Variants in CDH19 observed in about 807,000 individuals in gnomAD.
CDH19 encodes the protein cadherin 19.
In CDH19, 67 loss-of-function variants were observed where a neutral mutation model predicts 64.2. That is an observed-to-expected ratio of 1.04 (90% CI 0.86 to 1.28). The LOEUF is 1.28. CDH19 is among the 50% of genes most tolerant of loss of function. CDH19 has a pLI of 0.00. For missense variants in CDH19, 1,030 were observed against 929.0 expected, an observed-to-expected ratio of 1.11 and a Z score of -1.41; for synonymous variants, 346 against 319.3, an observed-to-expected ratio of 1.08 and a Z score of -0.89.
At chr18:66,530,955 A>C (rs1986420167) in intron 8 of CDH19, among the ~76,000 whole-genome samples, 1 of 152,046 alleles carries the variant, frequency 6.6e-6, no homozygotes, top group South Asian at 2.1e-4. Context: ...TGTAGTGGAG[A>C]CACGCCGCGT....
Position 66,529,964 on chromosome 18 carries a change from T to G in CDH19, c.1339A>C (p.Asn447His), listed in dbSNP as rs747751602. 1 of 1,472,352 alleles carries G rather than the reference T, an allele frequency of 6.8e-7. No individual in the cohort carries two copies. The highest frequency in any genetic ancestry group is 1.4e-5 in the African/African-American group (1 of 70,120). 91.2% of individuals were successfully genotyped at this position (1,472,352 alleles called of 1,614,324 possible). Reference sequence around the variant, plus strand: ...GGGATCGAAGAGATCTGTTCTATATTGTCTGCAATTTGAATATATATAATA... The same window carrying G: ...GGGATCGAAGAGATCTGTTCTATATGGTCTGCAATTTGAATATATATAATA... ...NLSITATEKY[N>H]IEQISSIPLY... Residue 447 changes from asparagine (N) to histidine (H), a missense_variant and splice_region_variant, in exon 9 of 12, where the codon AAT becomes CAT. Physicochemically the swap from Asn to His is moderately conservative, Grantham distance 68. Transcript: ENST00000262150.
At chr18:66,530,262 G>A (rs558636762) in intron 8 of CDH19, among the ~76,000 whole-genome samples, 15 of 152,030 alleles carry the variant, frequency 9.9e-5, no homozygotes, top group Admixed American at 6.5e-4. Flanking sequence ...AAGGGTATAC[G>A]GAGAGCTTGC....
chr18:66,568,524 C>A lies in CDH19; in HGVS notation c.382G>T (p.Val128Leu). ...QVIDIATGRA[V>L]EPESEFVIKV... The stretch of plus-strand genomic sequence containing the variant: ...ATGACAAACTCAGACTCAGGTTCCA[C>A]AGCCCTTCCAGTAGCGATGTCTATT... The change falls in exon 3 of 12, where the codon GTG becomes TTG. Residue 128 changes from valine to leucine, a missense_variant. Transcript: ENST00000262150. 6.2e-7 allele frequency: 1 copy of A among 1,612,376 alleles called. No individual in the cohort carries two copies.
At chr18:66,590,240 C>T (rs980353884) in intron 1 of CDH19, among the ~76,000 whole-genome samples, 2 of 151,806 alleles carry the variant, frequency 1.3e-5, no homozygotes, top group Non-Finnish European at 2.9e-5. Context: ...AATATCATCA[C>T]CATCATCATC....
At chr18:66,523,231 C>T (rs1249287646) in intron 9 of CDH19, among the ~76,000 whole-genome samples, 4 of 152,036 alleles carry the variant, frequency 2.6e-5, no homozygotes, top group African/African-American at 4.8e-5. Context: ...CAGCCTGGTT[C>T]CAACAGAGGG....
intron 1 of CDH19, among the ~76,000 whole-genome samples, chr18:66,602,544 T>C (rs1322982582): frequency 2.0e-5 from 3 of 151,906 alleles, no homozygotes; most frequent in African/African-American, 7.2e-5. Context: ...GTAGAAGACA[T>C]ATGCTTTTCG....
intron 4 of CDH19, among the ~76,000 whole-genome samples, chr18:66,554,011 G>T: frequency 1.1e-5 from 1 of 88,716 alleles, no homozygotes; most frequent in Admixed American, 1.1e-4. Context: ...TTTCATTGTG[G>T]TTTTAGTTTG....
intron 11 of CDH19, among the ~76,000 whole-genome samples, chr18:66,508,776 T>A (rs1488828837): frequency 6.6e-6 from 1 of 152,024 alleles, no homozygotes; most frequent in East Asian, 1.9e-4. Context: ...AATTCAAAGA[T>A]CATGTTTTTA....
At chr18:66,593,142 C>G (rs899142317) in intron 1 of CDH19, among the ~76,000 whole-genome samples, 1 of 151,664 alleles carries the variant, frequency 6.6e-6, no homozygotes, top group African/African-American at 2.4e-5. Context: ...TTGCATTTCC[C>G]TGATGATTAG....
chr18:66,512,585 A>G (rs564242515), intron 9 of CDH19, among the ~76,000 whole-genome samples: 93 of 151,698 alleles, frequency 6.1e-4, no homozygotes, highest in African/African-American at 2.2e-3. Context: ...AAAGAACATT[A>G]GGAAACCAAT....
chr18:66,574,375 A>T (rs996008589), intron 1 of CDH19, among the ~76,000 whole-genome samples: 7 of 151,712 alleles, frequency 4.6e-5, no homozygotes, highest in African/African-American at 1.7e-4. Flanking sequence ...AGACCAGAAG[A>T]AATGTTGAAC....
In CDH19 at chr18:66,504,958, C is replaced by T. The variant is rs755450134; in HGVS notation, c.2173G>A (p.Gly725Arg). The change falls in exon 12 of 12, where the codon GGA becomes AGA. Residue 725 changes from glycine (G) to arginine (R), a missense_variant. Coordinates refer to ENST00000262150, the MANE Select transcript of CDH19 (RefSeq NM_021153.4). ...FDSLQTYAFE[G>R]TGSLAGSLSS... ...AGGGATCCAGCTAATGACCCTGTTC[C>T]CTCAAAAGCGTAGGTCTGGAGGGAA... The T allele has an allele frequency of 1.2e-6, 2 of 1,613,486 alleles. No homozygotes were observed. The highest frequency in any genetic ancestry group is 3.3e-5 in the Admixed American group (2 of 59,868).
At chr18:66,549,020 A>C (rs577701504) in intron 5 of CDH19, among the ~76,000 whole-genome samples, 3 of 152,110 alleles carry the variant, frequency 2.0e-5, no homozygotes, top group Non-Finnish European at 4.4e-5. Flanking sequence ...ATAGGTATTG[A>C]GTATTTACAT....
intron 1 of CDH19, among the ~76,000 whole-genome samples, chr18:66,587,594 A>T (rs1988614613): frequency 6.6e-6 from 1 of 152,166 alleles, no homozygotes; most frequent in Admixed American, 6.6e-5. Flanking sequence ...TTTACTAACA[A>T]GATATGAGTA....
At chr18:66,584,851 A>G (rs1988529947) in intron 1 of CDH19, among the ~76,000 whole-genome samples, 1 of 152,118 alleles carries the variant, frequency 6.6e-6, no homozygotes, top group African/African-American at 2.4e-5. Context: ...ATGACAAGAT[A>G]TACTACAGAA....
At chr18:66,596,653 C>T (rs1203337688) in intron 1 of CDH19, among the ~76,000 whole-genome samples, 1 of 151,842 alleles carries the variant, frequency 6.6e-6, no homozygotes, top group African/African-American at 2.4e-5. Flanking sequence ...AAAGAGGACA[C>T]AAATAAATGA....
intron 9 of CDH19, 32 bp from the exon 10 acceptor site, chr18:66,511,717 T>C (rs769402150): frequency 9.8e-7 from 1 of 1,017,808 alleles, no homozygotes; most frequent in South Asian, 1.3e-5. Flanking sequence ...TTTTTGTTGT[T>C]GTTTGGATTC....
At chr18:66,576,159 A>G (rs989541621) in intron 1 of CDH19, among the ~76,000 whole-genome samples, 7 of 151,674 alleles carry the variant, frequency 4.6e-5, no homozygotes, top group Non-Finnish European at 7.4e-5. Flanking sequence ...TGAAAAAAAC[A>G]TACAAGTAGC....
chr18:66,580,027 G>A (rs189750790), intron 1 of CDH19, among the ~76,000 whole-genome samples: 4 of 152,112 alleles, frequency 2.6e-5, no homozygotes, highest in Middle Eastern at 3.4e-3. Flanking sequence ...CGGGTCACGA[G>A]TATTTGGATA....
Sources: allele counts gnomAD v4.1 joint callset (sites outside exome capture counted in the v4.1 genomes callset), GRCh38; gene constraint gnomAD v4.1.1; transcripts MANE v1.5; gene names NCBI Gene and HGNC (gene_info 2026-07-23, HGNC 2026-07-21).